The following CDC25A variants were observed in gnomAD, a reference collection of about 807,000 sequenced individuals.
The protein encoded by CDC25A is cell division cycle 25A.
CDC25A carries 17 observed loss-of-function variants against 64.6 expected under a neutral mutation model. That is an observed-to-expected ratio of 0.26 (90% CI 0.18 to 0.39). The LOEUF is 0.39. Ranked by LOEUF, CDC25A falls within the 10% of genes least tolerant of loss-of-function variation. The pLI, the probability that CDC25A is intolerant of heterozygous loss-of-function variation, is 1.00. For synonymous variants in CDC25A, 229 were observed against 238.6 expected (o/e 0.96, Z 0.37); for missense variants, 473 against 654.8 (o/e 0.72, Z 3.03).
At chr3:48,186,291 CGG>C (rs2032840789) in intron 2 of CDC25A, among the ~76,000 whole-genome samples, 1 of 152,118 alleles carries the variant, frequency 6.6e-6, no homozygotes, top group African/African-American at 2.4e-5. Context: ...TGTTTATCAC[CGG>C]GCGCGGTGGC....
At chr3:48,180,647 A>G in intron 6 of CDC25A, 74 bp downstream of exon 6, 2 of 1,534,312 alleles carry the variant, frequency 1.3e-6, no homozygotes, top group South Asian at 1.2e-5. Flanking sequence ...TAGTGCCTTC[A>G]ATTCTGGATG....
rs773886369 is a variant in CDC25A, at chr3:48,180,718, T to C, written c.549+3A>G. ...ATTCCCCTATGAAAGCCAGAGCACA[T>C]ACCATCCGAGCTGGGGCAGAGTTCT... On this transcript the variant is annotated splice_donor_region_variant and intron_variant, in intron 6 of 14. Coordinates refer to ENST00000302506, the MANE Select transcript of CDC25A (RefSeq NM_001789.3). The C allele has an allele frequency of 4.0e-5, 65 of 1,613,988 alleles. No homozygotes were observed. The highest frequency in any genetic ancestry group is 5.4e-5 in the Non-Finnish European group (64 of 1,179,904).
intron 5 of CDC25A, among the ~76,000 whole-genome samples, chr3:48,181,087 A>G (rs1559963578): frequency 6.6e-6 from 1 of 152,244 alleles, no homozygotes; most frequent in Non-Finnish European, 1.5e-5. Context: ...TATACAAAAC[A>G]CGATGAATAA....
intron 9 of CDC25A, among the ~76,000 whole-genome samples, chr3:48,173,775 T>G (rs568527380): frequency 1.3e-5 from 2 of 152,288 alleles, no homozygotes; most frequent in East Asian, 3.9e-4. Flanking sequence ...AAAATTTACA[T>G]AGACCGGAGA....
intron 12 of CDC25A, 89 bp from the exon 13 acceptor site, chr3:48,164,526 CT>C (rs1300768139): frequency 8.0e-7 from 1 of 1,249,786 alleles, no homozygotes; most frequent in East Asian, 2.8e-5. Context: ...CAAGAGTGAT[CT>C]TTAAGTCCAC....
chr3:48,183,725 T>C (rs2032748432), intron 4 of CDC25A, 75 bp downstream of exon 4: 3 of 899,038 alleles, frequency 3.3e-6, no homozygotes, highest in Admixed American at 1.9e-5. Context: ...AAATTAAGTC[T>C]CCTATCAAGG....
intron 1 of CDC25A, among the ~76,000 whole-genome samples, chr3:48,187,406 G>A (rs3731490): frequency 0.011 from 1,739 of 152,356 alleles, 23 homozygotes; most frequent in Middle Eastern, 0.024. Context: ...AGATCCTGAG[G>A]ATGGTTTAGC....
At chr3:48,166,633 G>A (rs1433653352) in intron 10 of CDC25A, among the ~76,000 whole-genome samples, 1 of 152,216 alleles carries the variant, frequency 6.6e-6, no homozygotes, top group East Asian at 1.9e-4. Context: ...CCAGCCTTGA[G>A]GAGGAAGATG....
intron 9 of CDC25A, among the ~76,000 whole-genome samples, chr3:48,170,889 T>G (rs2032244863): frequency 6.6e-6 from 1 of 152,148 alleles, no homozygotes; most frequent in Admixed American, 6.6e-5. Context: ...GTATGATAAC[T>G]GTACTCTAGC....
At position 48,159,102 on chromosome 3, in the gene CDC25A, G is replaced by T; in HGVS notation, c.1435-17C>A. Reference sequence around the variant, plus strand: ...ACAGTAAGACTGAGGGGACAGGAGAGAATAAGGTTAGGGTACACCTGCCTC... The same window carrying T: ...ACAGTAAGACTGAGGGGACAGGAGATAATAAGGTTAGGGTACACCTGCCTC... On this transcript the variant is annotated splice_polypyrimidine_tract_variant and intron_variant, in intron 14 of 14. Transcript: ENST00000302506. 1 of 1,613,522 alleles carries T rather than the reference G, an allele frequency of 6.2e-7. No individual in the cohort carries two copies. The highest frequency in any genetic ancestry group is 8.5e-7 in the Non-Finnish European group (1 of 1,179,722).
chr3:48,183,699 G>C, intron 4 of CDC25A, 101 bp downstream of exon 4: 1 of 736,016 alleles, frequency 1.4e-6, no homozygotes, highest in African/African-American at 1.8e-5. Context: ...CTAAAGAAAA[G>C]CAGTTTTTAC....
In CDC25A at chr3:48,186,740, A is replaced by G. The variant is rs139804514; in HGVS notation, c.210T>C (p.Asn70=). 2.4e-4 allele frequency: 389 copies of G among 1,603,270 alleles called. 1 individual carries two copies. Among genetic ancestry groups the G allele is most frequent in the Middle Eastern group, 8.2e-4 (5 of 6,068 alleles). Reference sequence around the variant, plus strand: ...ACTCGGAGGAGCCCATTCTCTGCAGATTACTGTTGTTCTTCACCTCCAGTG... The same window carrying G: ...ACTCGGAGGAGCCCATTCTCTGCAGGTTACTGTTGTTCTTCACCTCCAGTG... ...EQPLEVKNNS[N]LQRMGSSEST... The change falls in exon 2 of 15, where the codon AAT becomes AAC. Residue 70 remains asparagine, a synonymous_variant. Coordinates refer to ENST00000302506, the MANE Select transcript of CDC25A (RefSeq NM_001789.3).
intron 13 of CDC25A, among the ~76,000 whole-genome samples, chr3:48,160,440 T>C (rs1255919467): frequency 6.9e-6 from 1 of 145,540 alleles, no homozygotes; most frequent in African/African-American, 2.6e-5. Context: ...AGATGGAGTC[T>C]CACTCTGTCG....
chr3:48,166,448 T>C (rs1292335522), intron 10 of CDC25A, among the ~76,000 whole-genome samples: 1 of 152,222 alleles, frequency 6.6e-6, no homozygotes, highest in Non-Finnish European at 1.5e-5. Flanking sequence ...GTAAGGCAGA[T>C]TTAAATAAAG....
intron 5 of CDC25A, chr3:48,181,512 G>C (rs953335348): frequency 8.6e-7 from 1 of 1,157,772 alleles, no homozygotes. Flanking sequence ...GTTGCCCTTG[G>C]TCTCGGGGTC....
intron 13 of CDC25A, 127 bp downstream of exon 13, chr3:48,164,180 G>A: frequency 2.5e-6 from 2 of 787,860 alleles, no homozygotes; most frequent in African/African-American, 1.8e-5. Context: ...ATATGAAAAT[G>A]GCTTGTTATG....
chr3:48,160,640 T>G (rs1438027917), intron 13 of CDC25A, among the ~76,000 whole-genome samples: 1 of 151,930 alleles, frequency 6.6e-6, no homozygotes, highest in East Asian at 1.9e-4. Context: ...CGATCTCCTG[T>G]CCACTCCGAA....
At chr3:48,165,168 GTGT>G (rs2031954605) in intron 12 of CDC25A, among the ~76,000 whole-genome samples, 3 of 150,392 alleles carry the variant, frequency 2.0e-5, no homozygotes, top group East Asian at 3.9e-4. Context: ...TTGGGAACGT[GTGT>G]CCCAACACGC....
Position 48,159,417 on chromosome 3 carries a change from T to A in CDC25A, c.1361A>T (p.Glu454Val). 6.2e-7 allele frequency: 1 copy of A among 1,614,046 alleles called. No individual in the cohort carries two copies. The highest frequency in any genetic ancestry group is 8.5e-7 in the Non-Finnish European group (1 of 1,179,970). ...YVRERDRLGN[E>V]YPKLHYPELY... ...CTCAGGGTAGTGGAGTTTGGGGTATTCATTACCCAGGCGATCTCTCTCTCT... is the reference window on the plus strand; with the variant it reads ...CTCAGGGTAGTGGAGTTTGGGGTATACATTACCCAGGCGATCTCTCTCTCT... The change falls in exon 14 of 15, where the codon GAA (glutamate) becomes GTA (valine). Residue 454 changes from glutamate (E) to valine (V), a missense_variant. Glu to Val is a moderately radical substitution (Grantham distance 121, BLOSUM62 -2). This residue lies in a region of CDC25A where 97 missense variants were observed against 223.0 expected (regional missense o/e 0.43). Coordinates refer to ENST00000302506, the MANE Select transcript of CDC25A (RefSeq NM_001789.3).
Sources: allele counts gnomAD v4.1 joint callset (sites outside exome capture counted in the v4.1 genomes callset), GRCh38; gene constraint gnomAD v4.1.1; regional missense constraint gnomAD v4.1.1; transcripts MANE v1.5; gene names NCBI Gene and HGNC (gene_info 2026-07-23, HGNC 2026-07-21).